CEP128: variants seen among roughly 807,000 people sequenced by gnomAD.
The protein encoded by CEP128 is centrosomal protein 128kDa.
In CEP128, 132 loss-of-function variants were observed where a neutral mutation model predicts 156.7. That is an observed-to-expected ratio of 0.84 (90% CI 0.73 to 0.97). The LOEUF is 0.97. Ranked by LOEUF, CEP128 falls within the 50% of genes least tolerant of loss-of-function variation. The probability of loss-of-function intolerance (pLI) is 0.00; values close to 1 mark genes in which losing one functional copy is unlikely to be tolerated. For missense variants in CEP128, 1,252 were observed against 1,281.9 expected, an observed-to-expected ratio of 0.98 and a Z score of 0.36; for synonymous variants, 469 against 448.9, an observed-to-expected ratio of 1.04 and a Z score of -0.57.
intron 23 of CEP128, among the ~76,000 whole-genome samples, chr14:80,509,879 A>G (rs1036343380): frequency 6.6e-6 from 1 of 152,148 alleles, no homozygotes; most frequent in Non-Finnish European, 1.5e-5. Context: ...TATCAAAGAG[A>G]CTGTCTTTTC....
chr14:80,666,671 T>A (rs1455944406), intron 19 of CEP128, among the ~76,000 whole-genome samples: 1 of 141,322 alleles, frequency 7.1e-6, no homozygotes, highest in Non-Finnish European at 1.5e-5. Flanking sequence ...GATATTGCAA[T>A]GAACAAAGTA....
intron 19 of CEP128, among the ~76,000 whole-genome samples, chr14:80,738,241 T>C (rs575689141): frequency 6.6e-6 from 1 of 152,324 alleles, no homozygotes; most frequent in African/African-American, 2.4e-5. Context: ...AAAAGATACC[T>C]ACAGTTCGAG....
chr14:80,763,447 C>T (rs2139695189), intron 16 of CEP128, among the ~76,000 whole-genome samples: 1 of 152,230 alleles, frequency 6.6e-6, no homozygotes, highest in African/African-American at 2.4e-5. Context: ...ATAATTGTAT[C>T]ATTTACTCAT....
intron 4 of CEP128, among the ~76,000 whole-genome samples, chr14:80,913,673 G>T (rs111369826): frequency 6.6e-6 from 1 of 151,894 alleles, no homozygotes; most frequent in Non-Finnish European, 1.5e-5. Context: ...ACTCAGAAGG[G>T]ACGCAAAGGT....
Position 80,704,620 on chromosome 14 carries a change from A to G in CEP128, c.2806+38455T>C, listed in dbSNP as rs141424375. Among the ~76,000 whole-genome samples, 307 of 149,082 alleles carry G rather than the reference A, an allele frequency of 2.1e-3. 2 individuals carry two copies. The highest frequency in any genetic ancestry group is 7.1e-3 in the African/African-American group (296 of 41,440). On this transcript the variant is annotated intron_variant, in intron 19 of 24. Coordinates refer to ENST00000555265, the MANE Select transcript of CEP128 (RefSeq NM_152446.5). Reference sequence around the variant, plus strand: ...TTTGTCATAATTGAAAAAAATACAGAACTACTTTAGGCCTACATTTTTACG... The same window carrying G: ...TTTGTCATAATTGAAAAAAATACAGGACTACTTTAGGCCTACATTTTTACG...
chr14:80,939,839 G>A (rs1212710414), intron 1 of CEP128, among the ~76,000 whole-genome samples: 2 of 152,164 alleles, frequency 1.3e-5, no homozygotes, highest in Admixed American at 6.5e-5. Context: ...TACTATGTAT[G>A]AGCATGTCTA....
intron 2 of CEP128, among the ~76,000 whole-genome samples, chr14:80,949,127 A>G (rs1886406017): frequency 6.6e-6 from 1 of 152,196 alleles, no homozygotes; most frequent in Admixed American, 6.5e-5. Context: ...ATACGAAGCA[A>G]TGCTTTTCAA....
At chr14:80,862,539 G>A (rs1011353987) in intron 9 of CEP128, among the ~76,000 whole-genome samples, 6 of 152,042 alleles carry the variant, frequency 3.9e-5, no homozygotes, top group African/African-American at 1.4e-4. Flanking sequence ...CAAAACTAGC[G>A]CCTAGAGAAG....
intron 19 of CEP128, among the ~76,000 whole-genome samples, chr14:80,681,905 A>G (rs112653183): frequency 0.023 from 3,534 of 152,234 alleles, 131 homozygotes; most frequent in African/African-American, 0.08. Flanking sequence ...GGATTTTGAG[A>G]CCAGTCTGGG....
chr14:80,807,512 C>T (rs1172443819), intron 13 of CEP128, among the ~76,000 whole-genome samples: 1 of 152,108 alleles, frequency 6.6e-6, no homozygotes, highest in African/African-American at 2.4e-5. Context: ...TAACAAGGTA[C>T]AGGAAGTAAG....
chr14:80,732,808 G>A (rs1318126341), intron 19 of CEP128, among the ~76,000 whole-genome samples: 1 of 152,024 alleles, frequency 6.6e-6, no homozygotes, highest in African/African-American at 2.4e-5. Flanking sequence ...CAGGCATATA[G>A]GTGAGGACAA....
intron 14 of CEP128, among the ~76,000 whole-genome samples, chr14:80,483,458 G>A (rs1887096743): frequency 6.6e-6 from 1 of 152,208 alleles, no homozygotes; most frequent in South Asian, 2.1e-4. Context: ...GATTGGTGTG[G>A]TTTTCATGCC....
intron 19 of CEP128, among the ~76,000 whole-genome samples, chr14:80,680,342 T>C (rs938927941): frequency 6.6e-6 from 1 of 152,122 alleles, no homozygotes; most frequent in African/African-American, 2.4e-5. Flanking sequence ...GCCAGGTATT[T>C]GGAGCACCCA....
At chr14:80,714,196 A>G (rs1288613718) in intron 19 of CEP128, among the ~76,000 whole-genome samples, 1 of 152,148 alleles carries the variant, frequency 6.6e-6, no homozygotes, top group African/African-American at 2.4e-5. Context: ...AAACAAGGCC[A>G]TGTTTTCATT....
chr14:80,904,377 T>A (rs900075073), intron 6 of CEP128, among the ~76,000 whole-genome samples: 10 of 151,930 alleles, frequency 6.6e-5, no homozygotes, highest in Admixed American at 2.6e-4. Context: ...GAGTTGTTGA[T>A]CAAACAGTCC....
intron 21 of CEP128, among the ~76,000 whole-genome samples, chr14:80,532,712 T>A (rs1039285929): frequency 2.6e-5 from 4 of 152,232 alleles, no homozygotes; most frequent in Non-Finnish European, 5.9e-5. Context: ...CCTTGGCAGA[T>A]CCTTGAGTTT....
At chr14:80,633,214 T>A (rs1263120754) in intron 19 of CEP128, among the ~76,000 whole-genome samples, 6 of 148,230 alleles carry the variant, frequency 4.0e-5, no homozygotes. Flanking sequence ...GGTGCCAGAG[T>A]TAGACCCTGC....
At chr14:80,695,360 C>T (rs552022978) in intron 19 of CEP128, among the ~76,000 whole-genome samples, 8 of 152,206 alleles carry the variant, frequency 5.3e-5, no homozygotes, top group Middle Eastern at 3.4e-3. Flanking sequence ...AATTAGTTTA[C>T]CATCAGTTGA....
chr14:80,743,463 T>C (rs1028835541), intron 18 of CEP128, among the ~76,000 whole-genome samples, 196 bp from the exon 19 acceptor site: 1 of 152,196 alleles, frequency 6.6e-6, no homozygotes, highest in African/African-American at 2.4e-5. Context: ...AATTAAGCCA[T>C]GGTATTCGTA....
Sources: gnomAD v4.1 joint callset for allele counts (sites outside exome capture counted in the v4.1 genomes callset) on GRCh38, gnomAD v4.1.1 for gene constraint, MANE v1.5 for transcripts, NCBI Gene and HGNC (gene_info 2026-07-23, HGNC 2026-07-21) for gene names.